MITF: variants seen among roughly 807,000 people sequenced by gnomAD.
MITF encodes microphthalmia-associated transcription factor.
Under a neutral mutation model 60.5 loss-of-function variants are expected in MITF, and 17 were observed. That is an observed-to-expected ratio of 0.28 (90% CI 0.19 to 0.42). MITF has a LOEUF of 0.42. Ranked by LOEUF, MITF falls within the 10% of genes least tolerant of loss-of-function variation. The probability of loss-of-function intolerance (pLI) is 1.00; values close to 1 mark genes in which losing one functional copy is unlikely to be tolerated. For missense variants in MITF, 622 were observed against 683.5 expected, an observed-to-expected ratio of 0.91 and a Z score of 1.00; for synonymous variants, 260 against 248.5, an observed-to-expected ratio of 1.05 and a Z score of -0.43.
intron 1 of MITF, among the ~76,000 whole-genome samples, chr3:69,865,381 A>G (rs1559682830): frequency 6.6e-6 from 1 of 152,148 alleles, no homozygotes. Flanking sequence ...AGAAACATAC[A>G]TACAATATTT....
At position 69,964,370 on chromosome 3, in the gene MITF, C is replaced by T. The variant is rs186087927; in HGVS notation, c.1180-477C>T. 3.0e-3 allele frequency among the ~76,000 whole-genome samples: 226 copies of T among 75,818 alleles called. 54 individuals carry two copies. Among genetic ancestry groups the T allele is most frequent in the African/African-American group, 0.013 (225 of 17,742 alleles). The allele number at this position is 75,818 out of a possible 152,430, so 49.7% of individuals were successfully genotyped here. A position where few individuals can be genotyped will look rare whatever the true frequency, so the allele number is the denominator to read the frequency against. ...CATACATAATCAAATCTATAAAACA[C>T]CTAAAAATTTATTTCACATACTGCC... is the stretch of plus-strand genomic sequence containing the variant. On this transcript the variant is annotated intron_variant, in intron 9 of 9. Transcript: ENST00000352241.
At chr3:69,867,138 C>G (rs1412439708) in intron 1 of MITF, among the ~76,000 whole-genome samples, 1 of 152,030 alleles carries the variant, frequency 6.6e-6, no homozygotes, top group Non-Finnish European at 1.5e-5. Context: ...GGCATTCAAG[C>G]AAATCAACTT....
At chr3:69,933,091 AT>A (rs1271704411) in intron 2 of MITF, among the ~76,000 whole-genome samples, 1 of 152,076 alleles carries the variant, frequency 6.6e-6, no homozygotes, top group Non-Finnish European at 1.5e-5. Flanking sequence ...AAGTGGGAAG[AT>A]CACTTGAGCC....
intron 1 of MITF, among the ~76,000 whole-genome samples, chr3:69,750,448 G>T (rs1291827646): frequency 7.0e-6 from 1 of 143,352 alleles, no homozygotes; most frequent in African/African-American, 2.6e-5. Flanking sequence ...ATTATCTCTG[G>T]CCTGACAATA....
chr3:69,953,716 GAA>G (rs1285824586), intron 7 of MITF, among the ~76,000 whole-genome samples: 6 of 150,708 alleles, frequency 4.0e-5, no homozygotes, highest in Non-Finnish European at 7.4e-5. Context: ...GACAGAGAAA[GAA>G]AGAGAGAGAG....
chr3:69,800,223 A>G (rs568073963), intron 1 of MITF, among the ~76,000 whole-genome samples: 1 of 152,258 alleles, frequency 6.6e-6, no homozygotes, highest in Admixed American at 6.5e-5. Flanking sequence ...TTTCATGTCT[A>G]GCTTCTTTCA....
At chr3:69,955,344 A>T (rs1021356346) in intron 7 of MITF, among the ~76,000 whole-genome samples, 7 of 152,192 alleles carry the variant, frequency 4.6e-5, no homozygotes, top group African/African-American at 1.7e-4. Context: ...AATATTTTGG[A>T]TATAATGGAT....
At chr3:69,797,418 C>T (rs2062849179) in intron 1 of MITF, among the ~76,000 whole-genome samples, 1 of 151,846 alleles carries the variant, frequency 6.6e-6, no homozygotes, top group African/African-American at 2.4e-5. Context: ...AATGAATGGA[C>T]TACAGAAAAG....
intron 2 of MITF, among the ~76,000 whole-genome samples, chr3:69,909,779 G>A (rs772533303): frequency 3.3e-5 from 5 of 152,164 alleles, no homozygotes; most frequent in Non-Finnish European, 5.9e-5. Context: ...AAGCAGCAAA[G>A]TATTCAAAAG....
chr3:69,759,780 G>T (rs925289009), intron 1 of MITF, among the ~76,000 whole-genome samples: 1 of 151,994 alleles, frequency 6.6e-6, no homozygotes, highest in Admixed American at 6.6e-5. Flanking sequence ...GTACCTGATC[G>T]CTCTCTTTTT....
chr3:69,826,918 T>A (rs1309526792), intron 1 of MITF, among the ~76,000 whole-genome samples: 1 of 152,220 alleles, frequency 6.6e-6, no homozygotes, highest in Non-Finnish European at 1.5e-5. Context: ...AATGTTTGAT[T>A]CTTTATCTTT....
chr3:69,782,797 C>T (rs879265409), intron 1 of MITF, among the ~76,000 whole-genome samples: 1 of 152,170 alleles, frequency 6.6e-6, no homozygotes, highest in Non-Finnish European at 1.5e-5. Context: ...TTATTACTAT[C>T]TACTTCAGTA....
At chr3:69,781,420 G>A (rs949461507) in intron 1 of MITF, among the ~76,000 whole-genome samples, 1 of 152,084 alleles carries the variant, frequency 6.6e-6, no homozygotes, top group Non-Finnish European at 1.5e-5. Flanking sequence ...AGAACTGGCT[G>A]CAAAATTTGC....
intron 1 of MITF, among the ~76,000 whole-genome samples, chr3:69,785,051 T>A (rs995900218): frequency 5.3e-5 from 8 of 151,678 alleles, no homozygotes; most frequent in Non-Finnish European, 1.0e-4. Context: ...TTTTTTTTTT[T>A]AAATAGCACA....
chr3:69,842,672 A>C (rs1176439257), intron 1 of MITF, among the ~76,000 whole-genome samples: 1 of 152,182 alleles, frequency 6.6e-6, no homozygotes, highest in Non-Finnish European at 1.5e-5. Context: ...AAGCAAACCA[A>C]AATTCTTGGG....
At chr3:69,766,997 C>T (rs918864041) in intron 1 of MITF, among the ~76,000 whole-genome samples, 4 of 152,196 alleles carry the variant, frequency 2.6e-5, no homozygotes, top group African/African-American at 9.7e-5. Flanking sequence ...CAACAGCATG[C>T]ACCATTATCC....
At chr3:69,857,352 GC>G (rs112664266) in intron 1 of MITF, among the ~76,000 whole-genome samples, 21,106 of 151,050 alleles carry the variant, frequency 0.14, 1,612 homozygotes, top group South Asian at 0.18. Context: ...CTCAATCCCT[GC>G]CCCCCCCAGT....
intron 2 of MITF, among the ~76,000 whole-genome samples, chr3:69,929,070 T>C (rs1218720901): frequency 3.3e-5 from 5 of 152,198 alleles, no homozygotes; most frequent in Admixed American, 3.3e-4. Flanking sequence ...TTAGGAAGAC[T>C]GAGGGACTGT....
At chr3:69,784,907 T>A (rs1232446608) in intron 1 of MITF, among the ~76,000 whole-genome samples, 1 of 152,190 alleles carries the variant, frequency 6.6e-6, no homozygotes, top group East Asian at 1.9e-4. Context: ...TCATTGAAGA[T>A]CCCCAGGGAA....
Sources: allele counts gnomAD v4.1 joint callset (sites outside exome capture counted in the v4.1 genomes callset), GRCh38; gene constraint gnomAD v4.1.1; transcripts MANE v1.5; gene names NCBI Gene and HGNC (gene_info 2026-07-23, HGNC 2026-07-21).